Variants in EHF observed in about 807,000 individuals in gnomAD.
EHF encodes the protein ETS homologous factor.
Under a neutral mutation model 45.1 loss-of-function variants are expected in EHF, and 14 were observed. The observed-to-expected ratio is 0.31, with a 90% CI of 0.21 to 0.49. EHF has a LOEUF of 0.49. EHF is among the 20% of genes least tolerant of loss of function. EHF has a pLI of 0.99. For synonymous variants in EHF, 136 were observed against 131.8 expected (o/e 1.03, Z -0.22); for missense variants, 282 against 371.4 (o/e 0.76, Z 1.98).
chr11:34,648,959 A>G, intron 3 of EHF, 60 bp from the exon 4 acceptor site: 8 of 1,509,394 alleles, frequency 5.3e-6, no homozygotes, highest in Non-Finnish European at 7.3e-6. Flanking sequence ...GTCCTTATTT[A>G]AGCATCCAGT....
chr11:34,645,776 A>G (rs1450420425), intron 2 of EHF, among the ~76,000 whole-genome samples: 1 of 152,198 alleles, frequency 6.6e-6, no homozygotes, highest in Non-Finnish European at 1.5e-5. Flanking sequence ...CTTGAAGAAG[A>G]GTTAGTGAAG....
At chr11:34,655,149 A>G (rs139834800) in intron 6 of EHF, among the ~76,000 whole-genome samples, 1 of 152,146 alleles carries the variant, frequency 6.6e-6, no homozygotes, top group East Asian at 1.9e-4. Context: ...ATTTCAGAGA[A>G]ACCCAAGTCA....
At chr11:34,625,370 G>C (rs1329200967) in intron 1 of EHF, among the ~76,000 whole-genome samples, 2 of 152,174 alleles carry the variant, frequency 1.3e-5, no homozygotes, top group African/African-American at 4.8e-5. Context: ...TGCTCTACTG[G>C]TGTCTTCTAT....
At chr11:34,636,886 G>A (rs1248040497) in intron 1 of EHF, among the ~76,000 whole-genome samples, 12 of 152,052 alleles carry the variant, frequency 7.9e-5, no homozygotes, top group African/African-American at 2.9e-4. Flanking sequence ...AAAATTAGCC[G>A]GGCGTGGTGG....
At position 34,660,346 on chromosome 11, in the gene EHF, A is replaced by C. The variant is rs1350901458; in HGVS notation, c.*1415A>C. On this transcript the variant is annotated 3_prime_UTR_variant, in exon 9 of 9. Coordinates refer to ENST00000257831, the MANE Select transcript of EHF (RefSeq NM_012153.6). ...CTCTTTGCAGGTATTAATTCTTATAATTTTTTGTCTTTTGGATTATCTGTT... is the reference window on the plus strand; with the variant it reads ...CTCTTTGCAGGTATTAATTCTTATACTTTTTTGTCTTTTGGATTATCTGTT... 2 of 152,096 alleles carry C rather than the reference A, an allele frequency of 1.3e-5. No homozygotes were observed. Among genetic ancestry groups the C allele is most frequent in the Non-Finnish European group, 2.9e-5 (2 of 67,998 alleles). 9.4% of individuals were successfully genotyped at this position (152,096 alleles called of 1,614,324 possible). A position where few individuals can be genotyped will look rare whatever the true frequency, so the allele number is the denominator to read the frequency against.
At chr11:34,644,461 T>C (rs1219695040) in intron 2 of EHF, among the ~76,000 whole-genome samples, 2 of 152,232 alleles carry the variant, frequency 1.3e-5, no homozygotes, top group Non-Finnish European at 2.9e-5. Context: ...AACCCCTGAC[T>C]ATTGGCTTCC....
chr11:34,623,810 G>A (rs1263030050), intron 1 of EHF, among the ~76,000 whole-genome samples: 1 of 152,300 alleles, frequency 6.6e-6, no homozygotes, highest in East Asian at 1.9e-4. Flanking sequence ...GGGGATTTGA[G>A]CACTGGGTTG....
intron 1 of EHF, 32 bp from the exon 2 acceptor site, chr11:34,642,596 C>T (rs1185724098): frequency 1.5e-6 from 2 of 1,370,120 alleles, no homozygotes; most frequent in South Asian, 1.2e-5. Context: ...CCAAGAGGCA[C>T]TGACTGAACA....
chr11:34,632,713 A>G lies in EHF; in HGVS notation c.-3-9915A>G, dbSNP rs1853014415. On this transcript the variant is annotated intron_variant, in intron 1 of 8. Transcript: ENST00000257831. ...GCTCTCTCTGCTCTTGCCCCATTCC[A>G]TTCACAACAGGAGGTGGGGAATGAG... 7 of 1,521,210 alleles carry G rather than the reference A, an allele frequency of 4.6e-6. No individual in the cohort carries two copies. In the Admixed American group the frequency reaches 5.9e-5, roughly 13 times the overall value. 94.2% of individuals were successfully genotyped at this position (1,521,210 alleles called of 1,614,324 possible).
intron 1 of EHF, among the ~76,000 whole-genome samples, chr11:34,624,663 T>C (rs1027909914): frequency 6.6e-6 from 1 of 152,200 alleles, no homozygotes; most frequent in African/African-American, 2.4e-5. Context: ...TCAAGCCAAA[T>C]GACATTGATG....
At chr11:34,628,342 T>A (rs1444076058) in intron 1 of EHF, among the ~76,000 whole-genome samples, 1 of 152,180 alleles carries the variant, frequency 6.6e-6, no homozygotes, top group Admixed American at 6.5e-5. Context: ...TCTTTTAATA[T>A]AAATTTTTTT....
chr11:34,646,471 G>T lies in EHF; in HGVS notation c.130G>T (p.Glu44Ter). The change falls in exon 3 of 9, where the codon GAA (glutamate) becomes TAA (stop). Residue 44 changes from glutamate to a stop codon, truncating the protein, a stop_gained. Transcript: ENST00000257831. LOFTEE classifies it high-confidence loss of function. Reference protein sequence around the residue: ...SSGFFGGQWHEIHPQYWTKYQ... With the variant: ...SSGFFGGQWH ...TGGGTTTTTTGGAGGCCAGTGGCAT[G>T]AAATTCATCCTCAGTACTGGACCAA... is the stretch of plus-strand genomic sequence containing the variant. The T allele has an allele frequency of 6.2e-7, 1 of 1,614,112 alleles. No individual in the cohort carries two copies. Among genetic ancestry groups the T allele is most frequent in the Non-Finnish European group, 8.5e-7 (1 of 1,179,998 alleles).
At chr11:34,655,201 T>C (rs1008233636) in intron 6 of EHF, among the ~76,000 whole-genome samples, 5 of 152,148 alleles carry the variant, frequency 3.3e-5, no homozygotes, top group Non-Finnish European at 7.4e-5. Flanking sequence ...GAGAAATTCT[T>C]AACCAGGATG....
intron 1 of EHF, among the ~76,000 whole-genome samples, chr11:34,630,535 C>G (rs1336799853): frequency 6.6e-6 from 1 of 152,202 alleles, no homozygotes; most frequent in South Asian, 2.1e-4. Context: ...CTTTCCTTGA[C>G]TTGAACATCT....
Position 34,646,524 on chromosome 11 carries a change from C to T in EHF, c.183C>T (p.His61=). Residue 61 remains histidine (H), a synonymous_variant, in exon 3 of 9, where the codon CAC becomes CAT. Coordinates refer to ENST00000257831, the MANE Select transcript of EHF (RefSeq NM_012153.6). ...TKYQVWEWLQ[H]LLDTNQLDAN... ...ACCAGGTGTGGGAGTGGCTCCAGCACCTCCTGGACACCAACCAGCTGGATG... is the reference window on the plus strand; with the variant it reads ...ACCAGGTGTGGGAGTGGCTCCAGCATCTCCTGGACACCAACCAGCTGGATG... 3 of 1,614,020 alleles carry T rather than the reference C, an allele frequency of 1.9e-6. No homozygotes were observed. Among genetic ancestry groups the T allele is most frequent in the Non-Finnish European group, 1.7e-6 (2 of 1,179,972 alleles).
chr11:34,629,768 A>G (rs1852700735), intron 1 of EHF, among the ~76,000 whole-genome samples: 1 of 152,348 alleles, frequency 6.6e-6, no homozygotes, highest in African/African-American at 2.4e-5. Flanking sequence ...TGTTCATAAC[A>G]CAAGCAAGCC....
Position 34,660,334 on chromosome 11 carries a change from T to C in EHF, c.*1403T>C, listed in dbSNP as rs969856683. On this transcript the variant is annotated 3_prime_UTR_variant, in exon 9 of 9. Transcript: ENST00000257831. ...CCAGGGAAAATCCTCTTTGCAGGTA[T>C]TAATTCTTATAATTTTTTGTCTTTT... The C allele has an allele frequency of 3.9e-5, 6 of 152,180 alleles. No homozygotes were observed. The highest frequency in any genetic ancestry group is 1.4e-4 in the African/African-American group (6 of 41,464). The allele number at this position is 152,180 out of a possible 1,614,324, so 9.4% of individuals were successfully genotyped here.
chr11:34,648,834 G>A (rs1008099001), intron 3 of EHF, among the ~76,000 whole-genome samples, 185 bp from the exon 4 acceptor site: 2 of 152,072 alleles, frequency 1.3e-5, no homozygotes, highest in African/African-American at 4.8e-5. Context: ...CAATTTTCTG[G>A]GGTCAGAGAC....
chr11:34,641,031 A>G (rs919830986), intron 1 of EHF, among the ~76,000 whole-genome samples: 5 of 152,182 alleles, frequency 3.3e-5, no homozygotes, highest in African/African-American at 9.7e-5. Context: ...AACCTTAGCT[A>G]GTAAGTAGGA....
Sources: gnomAD v4.1 joint callset for allele counts (sites outside exome capture counted in the v4.1 genomes callset) on GRCh38, gnomAD v4.1.1 for gene constraint, MANE v1.5 for transcripts, NCBI Gene and HGNC (gene_info 2026-07-23, HGNC 2026-07-21) for gene names.